The following BAHCC1 variants were observed in gnomAD, a reference collection of about 807,000 sequenced individuals.
BAHCC1 encodes BAH and coiled-coil domain-containing protein 1.
A neutral mutation model predicts 88.2 loss-of-function variants in BAHCC1; 43 were observed. That is an observed-to-expected ratio of 0.49 (90% CI 0.38 to 0.63). The LOEUF (loss-of-function observed/expected upper bound fraction) is 0.63, where lower values mean the gene tolerates loss of function less well. BAHCC1 is among the 20% of genes least tolerant of loss of function. The pLI is 0.00. For missense variants in BAHCC1, 3,023 were observed against 1,654.8 expected, an observed-to-expected ratio of 1.83 and a Z score of -14.34; for synonymous variants, 1,510 against 745.5, an observed-to-expected ratio of 2.03 and a Z score of -16.71.
chr17:81,459,112 C>A lies in BAHCC1; in HGVS notation c.5664C>A (p.Pro1888=). The A allele has an allele frequency of 1.3e-6, 1 of 772,544 alleles. No homozygotes were observed. Among genetic ancestry groups the A allele is most frequent in the East Asian group, 2.4e-5 (1 of 40,864 alleles). The allele number at this position is 772,544 out of a possible 1,614,324, so 47.9% of individuals were successfully genotyped here. A position where few individuals can be genotyped will look rare whatever the true frequency, so the allele number is the denominator to read the frequency against. Residue 1888 remains proline, a synonymous_variant, in exon 21 of 28, where the codon CCC becomes CCA. Coordinates refer to ENST00000675386, the MANE Select transcript of BAHCC1 (RefSeq NM_001377448.1). ...DLRDGLPVLI[P]KEDSLLYAGS... is the part of the protein sequence containing the mutation. ...GGGACGGGCTGCCCGTGCTCATCCC[C>A]AAGGAGGATAGCCTGCTGTACGCGG...
In BAHCC1 at chr17:81,399,901, C is replaced by T. The variant is rs2063792184; in HGVS notation, c.162C>T (p.Pro54=). 4.1e-6 allele frequency: 6 copies of T among 1,447,384 alleles called. No individual in the cohort carries two copies. Among genetic ancestry groups the T allele is most frequent in the Admixed American group, 2.6e-5 (1 of 37,742 alleles). 89.7% of individuals were successfully genotyped at this position (1,447,384 alleles called of 1,614,324 possible). A position where few individuals can be genotyped will look rare whatever the true frequency, so the allele number is the denominator to read the frequency against. ...GAAAGTACTTCCCGTCGCCGTTGCC[C>T]ATGGCTTCGCACACAGGTCAGTGCT... ...QPGKYFPSPL[P]MASHTASSRL... Residue 54 remains proline, a synonymous_variant, in exon 2 of 28, where the codon CCC becomes CCT. Transcript: ENST00000675386. The surrounding 1 kb of genome is among the most constrained non-coding windows in gnomAD (Gnocchi z 4.5).
chr17:81,463,445 C>G (rs1299294621), intron 27 of BAHCC1, among the ~76,000 whole-genome samples, 166 bp from the exon 28 acceptor site: 1 of 152,214 alleles, frequency 6.6e-6, no homozygotes, highest in Non-Finnish European at 1.5e-5. Flanking sequence ...ACAGACAGGG[C>G]TGCCTGGACC....
chr17:81,440,948 C>A lies in BAHCC1; in HGVS notation c.482-883C>A, dbSNP rs578036812. Among the ~76,000 whole-genome samples the A allele has an allele frequency of 2.9e-3, 449 of 152,350 alleles. 1 individual carries two copies. Among genetic ancestry groups the A allele is most frequent in the African/African-American group, 0.011 (437 of 41,570 alleles). The stretch of plus-strand genomic sequence containing the variant: ...TCCGCGACCCACCCGTCCTTCCTCG[C>A]CTCTCCTCTGGGGGCGCCAGGAGCT... On this transcript the variant is annotated intron_variant, in intron 4 of 27. Transcript: ENST00000675386.
intron 2 of BAHCC1, chr17:81,415,660 C>T (rs782480799): frequency 2.2e-6 from 1 of 446,948 alleles, no homozygotes. Context: ...GCACCAGGGG[C>T]AGGAGTGACC....
chr17:81,455,087 C>T (rs2064721622), intron 14 of BAHCC1, among the ~76,000 whole-genome samples, 180 bp from the exon 15 acceptor site: 1 of 152,192 alleles, frequency 6.6e-6, no homozygotes, highest in African/African-American at 2.4e-5. Flanking sequence ...GGCAGGTGCT[C>T]AGAGGAGGTC....
At chr17:81,420,237 C>T (rs1249709342) in intron 2 of BAHCC1, among the ~76,000 whole-genome samples, 3 of 152,226 alleles carry the variant, frequency 2.0e-5, no homozygotes, top group Non-Finnish European at 4.4e-5. Context: ...GACAGGTTGG[C>T]AGGAGGCAGG....
chr17:81,412,419 A>T (rs1378331799), intron 2 of BAHCC1, among the ~76,000 whole-genome samples: 1 of 152,280 alleles, frequency 6.6e-6, no homozygotes, highest in Non-Finnish European at 1.5e-5. Context: ...CAAAAAGTGT[A>T]TGTGAGGCCA....
In BAHCC1 at chr17:81,460,725, C is replaced by T. The variant is rs529405200; in HGVS notation, c.6202+19C>T. On this transcript the variant is annotated intron_variant, in intron 25 of 27. Transcript: ENST00000675386. ...AAAGCTGGTATTTTACCGGACTTCC[C>T]AGAATCCGGATCGGGGAAGGCACCC... 8.8e-5 allele frequency: 68 copies of T among 775,658 alleles called. 1 individual carries two copies. In the South Asian group the frequency reaches 9.0e-4, roughly 10 times the overall value. The allele number at this position is 775,658 out of a possible 1,614,324, so 48.0% of individuals were successfully genotyped here. A position where few individuals can be genotyped will look rare whatever the true frequency, so the allele number is the denominator to read the frequency against.
At position 81,409,544 on chromosome 17, in the gene BAHCC1, T is replaced by C. The variant is rs1040272262; in HGVS notation, c.178+9627T>C. Among the ~76,000 whole-genome samples the C allele has an allele frequency of 1.1e-4, 17 of 152,310 alleles. No homozygotes were observed. The South Asian group carries it at 3.5e-3, about 32-fold the overall frequency. On this transcript the variant is annotated intron_variant, in intron 2 of 27. Coordinates refer to ENST00000675386, the MANE Select transcript of BAHCC1 (RefSeq NM_001377448.1). ...CTGGGGCTGTGAGGCGACTCCCTGA[T>C]TGTCCACGCGGGGTCGCGGGGGTGC...
intron 10 of BAHCC1, among the ~76,000 whole-genome samples, chr17:81,446,331 C>A (rs782396137): frequency 6.6e-6 from 1 of 151,778 alleles, no homozygotes; most frequent in African/African-American, 2.4e-5. Context: ...GACATGCTGC[C>A]GGCTTGTTCT....
intron 2 of BAHCC1, chr17:81,406,786 G>A (rs1555646973): frequency 1.4e-5 from 6 of 423,458 alleles, no homozygotes; most frequent in East Asian, 7.2e-5. Context: ...GGGGGCAGGC[G>A]GCGCCCAGGT....
chr17:81,403,548 GA>G lies in BAHCC1; in HGVS notation c.178+3640del, dbSNP rs1174368909. ...AAAAAATACCCCCAACTTGGCAGAG[GA>G]AAAAAAAAGATAATTTCCTAGTGTG... On this transcript the variant is annotated intron_variant, in intron 2 of 27. Coordinates refer to ENST00000675386, the MANE Select transcript of BAHCC1 (RefSeq NM_001377448.1). Among the ~76,000 whole-genome samples the G allele has an allele frequency of 6.7e-5, 10 of 149,688 alleles. No individual in the cohort carries two copies. In the South Asian group the frequency reaches 1.7e-3, roughly 26 times the overall value.
Position 81,442,944 on chromosome 17 carries a change from C to T in BAHCC1, c.1595C>T (p.Pro532Leu), listed in dbSNP as rs782044634. ...GATAAGACTGTTGGCAAGGAAGCCC[C>T]GGCCGGCCCCCCAGGGGCACAGAAG... ...TLDKTVGKEA[P>L]AGPPGAQKVA... The change falls in exon 5 of 28, where the codon CCG becomes CTG. Residue 532 changes from proline (P) to leucine (L), a missense_variant. Transcript: ENST00000675386. 11 of 778,958 alleles carry T rather than the reference C, an allele frequency of 1.4e-5. No individual in the cohort carries two copies. The highest frequency in any genetic ancestry group is 1.4e-4 in the Admixed American group (8 of 58,980). The allele number at this position is 778,958 out of a possible 1,614,324, so 48.3% of individuals were successfully genotyped here. A position where few individuals can be genotyped will look rare whatever the true frequency, so the allele number is the denominator to read the frequency against.
intron 3 of BAHCC1, among the ~76,000 whole-genome samples, chr17:81,436,763 T>G (rs1490967426): frequency 6.6e-6 from 1 of 152,232 alleles, no homozygotes; most frequent in African/African-American, 2.4e-5. Flanking sequence ...GCTGCAGGGC[T>G]GCACCAGGGC....
chr17:81,461,300 G>T lies in BAHCC1; in HGVS notation c.6637G>T (p.Glu2213Ter). ...GGEFLVKLDH[E>*]GVTSPKNKTC... is the part of the protein sequence containing the mutation. ...TGAGTTCCTGGTCAAGCTGGACCAC[G>T]AGGGTGTGACCTCCCCCAAGAACAA... Residue 2213 changes from glutamate (E) to a stop codon, truncating the protein, a stop_gained, in exon 26 of 28, where the codon GAG becomes TAG. Transcript: ENST00000675386. LOFTEE classifies it high-confidence loss of function. 2.8e-6 allele frequency: 2 copies of T among 716,130 alleles called. No homozygotes were observed. 44.4% of individuals were successfully genotyped at this position (716,130 alleles called of 1,614,324 possible).
Position 81,463,907 on chromosome 17 carries a change from G to T in BAHCC1, c.*90G>T. On this transcript the variant is annotated 3_prime_UTR_variant, in exon 28 of 28. Transcript: ENST00000675386. ...AAGCCACCGGGCAGGAGGCAGCCCCGGCCTCCCAAGGGCGCATCTGAGCAA... is the reference window on the plus strand; with the variant it reads ...AAGCCACCGGGCAGGAGGCAGCCCCTGCCTCCCAAGGGCGCATCTGAGCAA... The T allele has an allele frequency of 1.5e-6, 1 of 680,462 alleles. No individual in the cohort carries two copies. Among genetic ancestry groups the T allele is most frequent in the South Asian group, 1.5e-5 (1 of 65,182 alleles). 42.2% of individuals were successfully genotyped at this position (680,462 alleles called of 1,614,324 possible). A position where few individuals can be genotyped will look rare whatever the true frequency, so the allele number is the denominator to read the frequency against.
Position 81,462,870 on chromosome 17 carries a change from G to T in BAHCC1, c.7514G>T (p.Arg2505Leu), listed in dbSNP as rs199906132. The change falls in exon 27 of 28, where the codon CGC becomes CTC. Residue 2505 changes from arginine to leucine, a missense_variant. By Grantham distance (102) the Arg-to-Leu change is moderately radical (BLOSUM62 -2). Transcript: ENST00000675386. ...AGRPNLPYIG[R>L]IESMWESWGS... ...CGGCCCAACCTCCCCTACATCGGCC[G>T]CATCGAGAGCATGTGGGAGTCGTGG... The T allele has an allele frequency of 1.3e-6, 1 of 784,396 alleles. No homozygotes were observed. The highest frequency in any genetic ancestry group is 2.4e-6 in the Non-Finnish European group (1 of 421,580). The allele number at this position is 784,396 out of a possible 1,614,324, so 48.6% of individuals were successfully genotyped here. A position where few individuals can be genotyped will look rare whatever the true frequency, so the allele number is the denominator to read the frequency against.
At chr17:81,396,064 T>C (rs1409780603) in intron 1 of BAHCC1, 1 of 152,252 alleles carries the variant, frequency 6.6e-6, no homozygotes, top group Non-Finnish European at 1.5e-5. Flanking sequence ...CGCCCAGTTC[T>C]GGGTGACCCA....
chr17:81,403,462 T>G (rs1214237222), intron 2 of BAHCC1, among the ~76,000 whole-genome samples: 5 of 144,068 alleles, frequency 3.5e-5, no homozygotes, highest in East Asian at 4.1e-4. Context: ...GCTGAAAAAG[T>G]GCTTCCTACC....
Sources: gnomAD v4.1 joint callset for allele counts (sites outside exome capture counted in the v4.1 genomes callset) on GRCh38, gnomAD v4.1.1 for gene constraint, Gnocchi (gnomAD v3.1) non-coding constraint, MANE v1.5 for transcripts, NCBI Gene and HGNC (gene_info 2026-07-23, HGNC 2026-07-21) for gene names.